NR3C1: variants seen among roughly 807,000 people sequenced by gnomAD.
NR3C1 encodes the protein nuclear receptor subfamily 3 group C member 1.
Under a neutral mutation model 74.0 loss-of-function variants are expected in NR3C1, and 14 were observed. The observed-to-expected ratio is 0.19, with a 90% CI of 0.12 to 0.30. The LOEUF is 0.30. NR3C1 is among the 10% of genes least tolerant of loss of function. The pLI is 1.00. For missense variants in NR3C1, 695 were observed against 909.8 expected (o/e 0.76, Z 3.04); for synonymous variants, 308 against 332.5 (o/e 0.93, Z 0.80).
chr5:143,431,462 C>T (rs1361614320), intron 1 of NR3C1, among the ~76,000 whole-genome samples: 1 of 150,978 alleles, frequency 6.6e-6, no homozygotes, highest in Non-Finnish European at 1.5e-5. Context: ...CATGTGGACA[C>T]AGGGAGGGGA....
At chr5:143,349,670 G>C (rs1484292696) in intron 2 of NR3C1, among the ~76,000 whole-genome samples, 3 of 152,100 alleles carry the variant, frequency 2.0e-5, no homozygotes, top group African/African-American at 7.2e-5. Flanking sequence ...CCCTCTTCCT[G>C]TTCTCTTTCT....
At chr5:143,310,782 C>T (rs767695295) in intron 3 of NR3C1, among the ~76,000 whole-genome samples, 4 of 152,100 alleles carry the variant, frequency 2.6e-5, no homozygotes, top group African/African-American at 7.2e-5. Flanking sequence ...CTCAGACTCC[C>T]GAGTAGCTGG....
rs1839946064 is a variant in NR3C1, at chr5:143,399,944, G to A, written c.896C>T (p.Thr299Ile). 6.2e-7 allele frequency: 1 copy of A among 1,614,036 alleles called. No homozygotes were observed. Among genetic ancestry groups the A allele is most frequent in the Non-Finnish European group, 8.5e-7 (1 of 1,180,024 alleles). Residue 299 changes from threonine (T) to isoleucine (I), a missense_variant, in exon 2 of 9, where the codon ACA (threonine) becomes ATA (isoleucine). By Grantham distance (89) the Thr-to-Ile change is moderately conservative. Coordinates refer to ENST00000394464, the MANE Select transcript of NR3C1 (RefSeq NM_000176.3). ...AGGAAAGCTTGCCTGACAGTAAACT[G>A]TGCCCAGTTTCTCTTGCTTAATTAC... ...PGVIKQEKLG[T>I]VYCQASFPGA... is the part of the protein sequence containing the mutation.
chr5:143,389,712 G>A (rs1837895023), intron 2 of NR3C1, among the ~76,000 whole-genome samples: 1 of 152,158 alleles, frequency 6.6e-6, no homozygotes, highest in Non-Finnish European at 1.5e-5. Context: ...AAAATGTAGT[G>A]CCCATCCACA....
At chr5:143,401,074 T>C (rs903219398) in intron 1 of NR3C1, among the ~76,000 whole-genome samples, 3 of 152,198 alleles carry the variant, frequency 2.0e-5, no homozygotes, top group Admixed American at 2.0e-4. Flanking sequence ...ATGCAATCCA[T>C]TTGCACAGCT....
Position 143,403,433 on chromosome 5 carries a change from G to T in NR3C1, c.-236C>A, listed in dbSNP as rs1840736694. On this transcript the variant is annotated 5_prime_UTR_variant, in exon 1 of 9. Transcript: ENST00000394464. ...ACAAGCCAGCCCTCCGCCCCGCGCC[G>T]GGCTCCGCGGGTCGAGGTTCCGGGC... The T allele has an allele frequency of 1.1e-6, 1 of 885,958 alleles. No individual in the cohort carries two copies. Among genetic ancestry groups the T allele is most frequent in the Non-Finnish European group, 1.3e-6 (1 of 785,984 alleles). The allele number at this position is 885,958 out of a possible 1,614,324, so 54.9% of individuals were successfully genotyped here. A position where few individuals can be genotyped will look rare whatever the true frequency, so the allele number is the denominator to read the frequency against.
intron 2 of NR3C1, among the ~76,000 whole-genome samples, chr5:143,366,587 G>A (rs892105692): frequency 1.3e-5 from 2 of 149,850 alleles, no homozygotes; most frequent in African/African-American, 4.9e-5. Context: ...AAAAAAAGGA[G>A]AGAAGACTCT....
intron 2 of NR3C1, among the ~76,000 whole-genome samples, chr5:143,377,163 A>G (rs1337648347): frequency 6.6e-6 from 1 of 152,196 alleles, no homozygotes; most frequent in Non-Finnish European, 1.5e-5. Context: ...ACCTTTCCCT[A>G]ATGAAGCATA....
chr5:143,296,137 C>G (rs1412071235), intron 6 of NR3C1, among the ~76,000 whole-genome samples: 1 of 152,196 alleles, frequency 6.6e-6, no homozygotes, highest in Non-Finnish European at 1.5e-5. Context: ...ACTAAAGGTA[C>G]TAAACCAATT....
At position 143,300,408 on chromosome 5, in the gene NR3C1, G is replaced by A; in HGVS notation, c.1747+77C>T. ...ACAAGATAAGCCATGGGCTCACGAT[G>A]ATATAAAAGCCAAAGTGTTTTTGCT... On this transcript the variant is annotated intron_variant, in intron 5 of 8. Coordinates refer to ENST00000394464, the MANE Select transcript of NR3C1 (RefSeq NM_000176.3). The surrounding 1 kb of genome is among the most constrained non-coding windows in gnomAD (Gnocchi z 5.2). 6.4e-7 allele frequency: 1 copy of A among 1,570,480 alleles called. No homozygotes were observed. The highest frequency in any genetic ancestry group is 1.1e-5 in the South Asian group (1 of 89,862).
intron 5 of NR3C1, among the ~76,000 whole-genome samples, chr5:143,299,858 A>C (rs10482681): frequency 0.019 from 2,943 of 152,334 alleles, 41 homozygotes; most frequent in Middle Eastern, 0.034. Context: ...AACAAGGATG[A>C]CAGGAGGTCA....
chr5:143,431,224 C>CA (rs1378066555), intron 1 of NR3C1, among the ~76,000 whole-genome samples: 2 of 152,058 alleles, frequency 1.3e-5, no homozygotes, highest in African/African-American at 2.4e-5. Flanking sequence ...TTCCCCAGTG[C>CA]ATTCATTTTT....
chr5:143,344,871 C>T (rs1828945056), intron 2 of NR3C1, among the ~76,000 whole-genome samples: 1 of 152,052 alleles, frequency 6.6e-6, no homozygotes, highest in South Asian at 2.1e-4. Flanking sequence ...GAGTGAGACT[C>T]CATGCCCCAC....
chr5:143,286,428 G>A (rs1373249490), intron 7 of NR3C1, among the ~76,000 whole-genome samples: 5 of 151,910 alleles, frequency 3.3e-5, no homozygotes, highest in East Asian at 1.9e-4. Flanking sequence ...ATTTATCCCC[G>A]GAATGAAAGG....
At chr5:143,426,248 A>G (rs1016616073) in intron 1 of NR3C1, among the ~76,000 whole-genome samples, 18 of 152,322 alleles carry the variant, frequency 1.2e-4, no homozygotes, top group Middle Eastern at 6.8e-3. Flanking sequence ...AGTGACTACT[A>G]ATAGAACCAG....
At position 143,295,383 on chromosome 5, in the gene NR3C1, T is replaced by A. The variant is rs1445453138; in HGVS notation, c.2023+77A>T. 15 of 1,579,046 alleles carry A rather than the reference T, an allele frequency of 9.5e-6. No individual in the cohort carries two copies. The African/African-American group carries it at 2.0e-4, about 21-fold the overall frequency. On this transcript the variant is annotated intron_variant, in intron 7 of 8. Transcript: ENST00000394464. Reference sequence around the variant, plus strand: ...AGACTTGGTATAATTATTAGTACTATGTATATAAATTAACCTTTGTTTCTA... The same window carrying A: ...AGACTTGGTATAATTATTAGTACTAAGTATATAAATTAACCTTTGTTTCTA...
upstream of NR3C1, chr5:143,404,430 G>A: frequency 1.0e-6 from 1 of 985,458 alleles, no homozygotes; most frequent in Non-Finnish European, 1.2e-6. Context: ...GCATCATCTG[G>A]GCGGCCGGGT....
chr5:143,322,866 A>C (rs983265673), intron 2 of NR3C1, among the ~76,000 whole-genome samples: 5 of 152,130 alleles, frequency 3.3e-5, no homozygotes, highest in African/African-American at 1.2e-4. Context: ...TATACTAGAC[A>C]AGTTTCTTTT....
intron 4 of NR3C1, among the ~76,000 whole-genome samples, chr5:143,301,099 C>CT (rs1300497799): frequency 6.6e-6 from 1 of 151,774 alleles, no homozygotes; most frequent in African/African-American, 2.4e-5. Flanking sequence ...TTTTATCTCA[C>CT]TTTCACTCTA....
Sources: gnomAD v4.1 joint callset for allele counts (sites outside exome capture counted in the v4.1 genomes callset) on GRCh38, gnomAD v4.1.1 for gene constraint, Gnocchi (gnomAD v3.1) non-coding constraint, MANE v1.5 for transcripts, NCBI Gene and HGNC (gene_info 2026-07-23, HGNC 2026-07-21) for gene names.